The following EXOC4 variants were observed in gnomAD, a reference collection of about 807,000 sequenced individuals.
EXOC4 encodes the protein exocyst complex component 4, also known as SEC8-like 1.
A neutral mutation model predicts 107.2 loss-of-function variants in EXOC4; 71 were observed. The ratio of observed to expected loss-of-function variants is 0.66; its 90% CI spans 0.55 to 0.81. The LOEUF (loss-of-function observed/expected upper bound fraction) is 0.81. EXOC4 is among the 30% of genes least tolerant of loss of function. EXOC4 has a pLI of 0.00. For missense variants in EXOC4, 1,108 were observed against 1,189.6 expected (o/e 0.93, Z 1.01); for synonymous variants, 456 against 441.2 (o/e 1.03, Z -0.42).
chr7:133,430,975 A>T (rs1188984026), intron 7 of EXOC4, among the ~76,000 whole-genome samples: 2 of 152,218 alleles, frequency 1.3e-5, no homozygotes, highest in African/African-American at 4.8e-5. Context: ...CTGTGTCAGC[A>T]CTGTAAATAC....
intron 3 of EXOC4, among the ~76,000 whole-genome samples, chr7:133,291,630 G>C (rs1278064669): frequency 6.6e-6 from 1 of 151,984 alleles, no homozygotes; most frequent in South Asian, 2.1e-4. Context: ...TGATCTGCCT[G>C]CCTTGGCCTC....
In EXOC4 at chr7:133,804,406, G is replaced by T. The variant is rs1797022660; in HGVS notation, c.1515-12919G>T. Among the ~76,000 whole-genome samples, 3 of 152,154 alleles carry T rather than the reference G, an allele frequency of 2.0e-5. No homozygotes were observed. In the South Asian group the frequency reaches 6.2e-4, roughly 32 times the overall value. ...ACTGTGCATTCAGAACACTTTGCCAGTTAATCAAGTGATAGTAAACTTAAG... is the reference window on the plus strand; with the variant it reads ...ACTGTGCATTCAGAACACTTTGCCATTTAATCAAGTGATAGTAAACTTAAG... On this transcript the variant is annotated intron_variant, in intron 10 of 17. Coordinates refer to ENST00000253861, the MANE Select transcript of EXOC4 (RefSeq NM_021807.4).
At chr7:133,859,197 C>T (rs1304089965) in intron 11 of EXOC4, among the ~76,000 whole-genome samples, 4 of 152,098 alleles carry the variant, frequency 2.6e-5, no homozygotes, top group Non-Finnish European at 4.4e-5. Context: ...AGCTTATGTC[C>T]CAGAGGTGGC....
chr7:133,653,098 A>C (rs992617119), intron 10 of EXOC4, among the ~76,000 whole-genome samples: 6 of 152,118 alleles, frequency 3.9e-5, no homozygotes, highest in African/African-American at 1.4e-4. Flanking sequence ...TTGAAACCTG[A>C]GGTTATATGT....
chr7:133,831,548 C>T (rs1797811603), intron 11 of EXOC4, among the ~76,000 whole-genome samples: 1 of 124,560 alleles, frequency 8.0e-6, no homozygotes, highest in African/African-American at 3.1e-5. Flanking sequence ...TTTCCTAAGT[C>T]TCCATCTTTG....
intron 11 of EXOC4, among the ~76,000 whole-genome samples, chr7:133,823,874 A>ATATAT (rs1797614009): frequency 1.1e-4 from 1 of 9,090 alleles, no homozygotes; most frequent in Non-Finnish European, 1.6e-4. Flanking sequence ...TATATATATT[A>ATATAT]TATATATATA....
rs190435145 is a variant in EXOC4, at chr7:133,675,100, T to A, written c.1514+44959T>A. 1.2e-4 allele frequency among the ~76,000 whole-genome samples: 19 copies of A among 152,350 alleles called. No homozygotes were observed. The East Asian group carries it at 3.7e-3, about 29-fold the overall frequency. The stretch of plus-strand genomic sequence containing the variant: ...TTTCTTATGCTAAATACACAGTAAG[T>A]TAGTGTTTTCCATTTTCTTCACCCA... On this transcript the variant is annotated intron_variant, in intron 10 of 17. Coordinates refer to ENST00000253861, the MANE Select transcript of EXOC4 (RefSeq NM_021807.4).
chr7:134,075,394 T>C, the EXOC4 span, among the ~76,000 whole-genome samples: 1 of 152,158 alleles, frequency 6.6e-6, no homozygotes, highest in African/African-American at 2.4e-5. Flanking sequence ...CTGAGTAGTT[T>C]ATAAGGAAAA....
chr7:133,588,765 T>C (rs906071397), intron 9 of EXOC4, among the ~76,000 whole-genome samples: 11 of 152,150 alleles, frequency 7.2e-5, no homozygotes, highest in African/African-American at 2.7e-4. Flanking sequence ...TGGTGACTCC[T>C]ACTCAGGAGG....
At chr7:133,552,655 A>C (rs1266632312) in intron 9 of EXOC4, among the ~76,000 whole-genome samples, 2 of 152,118 alleles carry the variant, frequency 1.3e-5, no homozygotes, top group Non-Finnish European at 2.9e-5. Flanking sequence ...GAGGAGGGAT[A>C]GTTTCCTTAA....
At chr7:133,883,263 A>G (rs1368720647) in intron 11 of EXOC4, among the ~76,000 whole-genome samples, 1 of 149,618 alleles carries the variant, frequency 6.7e-6, no homozygotes, top group Non-Finnish European at 1.5e-5. Context: ...CCATTGTATG[A>G]GTATACCACA....
intron 17 of EXOC4, among the ~76,000 whole-genome samples, chr7:134,021,709 T>C (rs1795033222): frequency 7.9e-6 from 1 of 126,366 alleles, no homozygotes; most frequent in Non-Finnish European, 1.6e-5. Context: ...CAGTTGCAGA[T>C]GGAGTCAAAC....
At chr7:133,536,159 A>G (rs776836290) in intron 9 of EXOC4, among the ~76,000 whole-genome samples, 1 of 152,222 alleles carries the variant, frequency 6.6e-6, no homozygotes, top group African/African-American at 2.4e-5. Flanking sequence ...TTCATAAAAT[A>G]GGGGTTGGTT....
intron 9 of EXOC4, among the ~76,000 whole-genome samples, chr7:133,523,820 C>T (rs1800027683): frequency 6.6e-6 from 1 of 152,150 alleles, no homozygotes; most frequent in South Asian, 2.1e-4. Flanking sequence ...ATATGTGACA[C>T]ATTTTCTTAA....
intron 10 of EXOC4, among the ~76,000 whole-genome samples, chr7:133,798,989 C>T (rs950446704): frequency 2.6e-5 from 4 of 151,964 alleles, no homozygotes; most frequent in South Asian, 4.1e-4. Flanking sequence ...GCTGAAGCTG[C>T]GATTTTGAGA....
intron 10 of EXOC4, among the ~76,000 whole-genome samples, chr7:133,679,804 A>T (rs1223791596): frequency 6.6e-6 from 1 of 152,228 alleles, no homozygotes; most frequent in Non-Finnish European, 1.5e-5. Context: ...AAGCTAAAAG[A>T]TTGCTCATAA....
At chr7:134,070,834 C>T (rs1250649591), downstream of EXOC4, among the ~76,000 whole-genome samples, 1 of 151,898 alleles carries the variant, frequency 6.6e-6, no homozygotes, top group African/African-American at 2.4e-5. Context: ...TTCCCATTTT[C>T]CTTGATCTCA....
intron 10 of EXOC4, among the ~76,000 whole-genome samples, chr7:133,682,724 C>G (rs990283012): frequency 6.6e-6 from 1 of 152,168 alleles, no homozygotes; most frequent in African/African-American, 2.4e-5. Context: ...TTATTATTCC[C>G]CTGCCTGCTA....
intron 10 of EXOC4, among the ~76,000 whole-genome samples, chr7:133,722,608 G>A (rs993195987): frequency 6.6e-6 from 1 of 152,102 alleles, no homozygotes; most frequent in Non-Finnish European, 1.5e-5. Flanking sequence ...TAACTGTTAC[G>A]TACTTCACCT....
Sources: gnomAD v4.1 joint callset for allele counts (sites outside exome capture counted in the v4.1 genomes callset) on GRCh38, gnomAD v4.1.1 for gene constraint, MANE v1.5 for transcripts, NCBI Gene and HGNC (gene_info 2026-07-23, HGNC 2026-07-21) for gene names.